The following COQ2 variants were observed in gnomAD, a reference collection of about 807,000 sequenced individuals.
The protein encoded by COQ2 is 4-hydroxybenzoate polyprenyltransferase, mitochondrial.
A neutral mutation model predicts 35.7 loss-of-function variants in COQ2; 25 were observed. That is an observed-to-expected ratio of 0.70 (90% CI 0.51 to 0.98). COQ2 has a LOEUF of 0.98. COQ2 is among the 50% of genes least tolerant of loss of function. The pLI, the probability that COQ2 is intolerant of heterozygous loss-of-function variation, is 0.00. For missense variants in COQ2, 488 were observed against 473.5 expected, an observed-to-expected ratio of 1.03 and a Z score of -0.28; for synonymous variants, 206 against 186.2, an observed-to-expected ratio of 1.11 and a Z score of -0.86.
In COQ2 at chr4:83,272,070, AG is replaced by A; in HGVS notation, c.628+16del. 6.6e-7 allele frequency: 1 copy of A among 1,515,176 alleles called. No homozygotes were observed. The highest frequency in any genetic ancestry group is 9.1e-7 in the Non-Finnish European group (1 of 1,101,326). 93.9% of individuals were successfully genotyped at this position (1,515,176 alleles called of 1,614,324 possible). On this transcript the variant is annotated intron_variant, in intron 4 of 6. Coordinates refer to ENST00000647002, the MANE Select transcript of COQ2 (RefSeq NM_001358921.2). ...TGCAAATATCAAAGGAAATACTTTTAGTTATTGTAAGCTCACCCAAGGCTAG... is the reference window on the plus strand; with the variant it reads ...TGCAAATATCAAAGGAAATACTTTTATTATTGTAAGCTCACCCAAGGCTAG...
At chr4:83,268,894 A>G (rs185364743) in intron 5 of COQ2, among the ~76,000 whole-genome samples, 1 of 152,336 alleles carries the variant, frequency 6.6e-6, no homozygotes, top group African/African-American at 2.4e-5. Context: ...ACTGAGAAAA[A>G]CTTTTTTGAA....
chr4:83,276,663 A>C (rs1735193707), intron 2 of COQ2, among the ~76,000 whole-genome samples: 1 of 152,154 alleles, frequency 6.6e-6, no homozygotes, highest in African/African-American at 2.4e-5. Flanking sequence ...CTAAAAACAG[A>C]ACTACTAATT....
chr4:83,276,072 T>TATATAAC (rs1385228825), intron 2 of COQ2, among the ~76,000 whole-genome samples: 2 of 137,418 alleles, frequency 1.5e-5, no homozygotes, highest in East Asian at 2.0e-4. Context: ...ATATATTTTA[T>TATATAAC]ATATAATATA....
At chr4:83,272,880 G>A (rs947708688) in intron 3 of COQ2, among the ~76,000 whole-genome samples, 1 of 152,068 alleles carries the variant, frequency 6.6e-6, no homozygotes, top group Admixed American at 6.6e-5. Context: ...CCTTCCAAAG[G>A]TATTGTCATG....
At chr4:83,272,279 A>G in intron 3 of COQ2, 107 bp from the exon 4 acceptor site, 1 of 573,116 alleles carries the variant, frequency 1.7e-6, no homozygotes, top group Non-Finnish European at 3.0e-6. Flanking sequence ...AATATATTTT[A>G]TCTTAAATTA....
Position 83,264,298 on chromosome 4 carries a change from C to T in COQ2, c.1017G>A (p.Leu339=). 1 of 1,612,384 alleles carries T rather than the reference C, an allele frequency of 6.2e-7. No homozygotes were observed. Among genetic ancestry groups the T allele is most frequent in the Non-Finnish European group, 8.5e-7 (1 of 1,179,414 alleles). The change falls in exon 7 of 7, where the codon CTG becomes CTA. Residue 339 remains leucine (L), a synonymous_variant. Transcript: ENST00000647002. ...CWNKFISNRT[L]GLIVFLGIVL... ...CAATCCCTAAAAAAACTATTAGTCCCAGTGTTCGGTTGGAGATAAATTTAT... is the reference window on the plus strand; with the variant it reads ...CAATCCCTAAAAAAACTATTAGTCCTAGTGTTCGGTTGGAGATAAATTTAT...
At chr4:83,282,560 G>T (rs913113344) in intron 1 of COQ2, 1 of 920,812 alleles carries the variant, frequency 1.1e-6, no homozygotes, top group Non-Finnish European at 1.3e-6. Context: ...CATGCAGGCT[G>T]GTATCTTCCA....
intron 5 of COQ2, 58 bp from the exon 6 acceptor site, chr4:83,267,832 T>C: frequency 7.1e-7 from 1 of 1,401,732 alleles, no homozygotes. Flanking sequence ...CACCATAAAA[T>C]TCACATTTTG....
At chr4:83,274,561 T>C (rs1735124538) in intron 2 of COQ2, among the ~76,000 whole-genome samples, 1 of 152,204 alleles carries the variant, frequency 6.6e-6, no homozygotes, top group Non-Finnish European at 1.5e-5. Context: ...CAATTTTTCC[T>C]ATTATGGGTT....
intron 1 of COQ2, among the ~76,000 whole-genome samples, chr4:83,282,363 G>T (rs1284375754): frequency 1.3e-5 from 2 of 152,008 alleles, no homozygotes; most frequent in Non-Finnish European, 2.9e-5. Flanking sequence ...GTAAAACAAC[G>T]AACACATAAT....
At chr4:83,277,461 C>T (rs1336875247) in intron 2 of COQ2, among the ~76,000 whole-genome samples, 1 of 152,158 alleles carries the variant, frequency 6.6e-6, no homozygotes, top group Admixed American at 6.5e-5. Context: ...TCAAAGGTCA[C>T]CCCGGCCTGG....
In COQ2 at chr4:83,264,108, A is replaced by G; in HGVS notation, c.*91T>C. 1 of 773,030 alleles carries G rather than the reference A, an allele frequency of 1.3e-6. No individual in the cohort carries two copies. The highest frequency in any genetic ancestry group is 2.0e-6 in the Non-Finnish European group (1 of 508,800). The allele number at this position is 773,030 out of a possible 1,614,324, so 47.9% of individuals were successfully genotyped here. ...TCTAAATCTTCATCTTCAGGTTCTT[A>G]ATTCTTTAACATATTGTATCAGATT... On this transcript the variant is annotated 3_prime_UTR_variant, in exon 7 of 7. Coordinates refer to ENST00000647002, the MANE Select transcript of COQ2 (RefSeq NM_001358921.2).
chr4:83,284,269 G>A (rs1735397181), intron 1 of COQ2: 3 of 985,362 alleles, frequency 3.0e-6, no homozygotes, highest in Non-Finnish European at 3.6e-6. Flanking sequence ...TCCCGACTGC[G>A]TGTCCTGAGG....
intron 1 of COQ2, among the ~76,000 whole-genome samples, chr4:83,282,064 G>T (rs866269036): frequency 6.6e-6 from 1 of 151,752 alleles, no homozygotes. Context: ...ATTGCAAAAA[G>T]AAATGTTTTT....
At chr4:83,276,005 TA>T (rs1735156970) in intron 2 of COQ2, among the ~76,000 whole-genome samples, 1 of 71,592 alleles carries the variant, frequency 1.4e-5, no homozygotes, top group African/African-American at 3.9e-5. Flanking sequence ...ATATAGAATA[TA>T]TATTATATAT....
At chr4:83,270,514 C>G (rs945234153) in intron 4 of COQ2, among the ~76,000 whole-genome samples, 1 of 152,178 alleles carries the variant, frequency 6.6e-6, no homozygotes, top group African/African-American at 2.4e-5. Flanking sequence ...CACTTGCAAG[C>G]CTGATAACTC....
intron 6 of COQ2, 21 bp from the exon 7 acceptor site, chr4:83,264,384 G>A (rs1207068719): frequency 6.3e-7 from 1 of 1,580,468 alleles, no homozygotes; most frequent in Non-Finnish European, 8.6e-7. Context: ...GGAATACAAA[G>A]TTGTATTAAT....
In COQ2 at chr4:83,270,842, G is replaced by A. The variant is rs975682341; in HGVS notation, c.629-849C>T. ...TACCTGCTGCAATTCCTAGCACGAA[G>A]TAAATGTAGGGGTTCAGTAAATGTT... On this transcript the variant is annotated intron_variant, in intron 4 of 6. Coordinates refer to ENST00000647002, the MANE Select transcript of COQ2 (RefSeq NM_001358921.2). 6.6e-5 allele frequency among the ~76,000 whole-genome samples: 10 copies of A among 152,258 alleles called. No homozygotes were observed. The South Asian group carries it at 1.2e-3, about 19-fold the overall frequency.
chr4:83,279,720 A>G (rs1014255782), intron 1 of COQ2, among the ~76,000 whole-genome samples: 17 of 152,148 alleles, frequency 1.1e-4, no homozygotes, highest in Non-Finnish European at 4.4e-5. Flanking sequence ...CATGGACAGG[A>G]GACAGGAGTA....
Sources: allele counts gnomAD v4.1 joint callset (sites outside exome capture counted in the v4.1 genomes callset), GRCh38; gene constraint gnomAD v4.1.1; transcripts MANE v1.5; gene names NCBI Gene and HGNC (gene_info 2026-07-23, HGNC 2026-07-21).